The following ARHGAP22 variants were observed in gnomAD, a reference collection of about 807,000 sequenced individuals.
The protein encoded by ARHGAP22 is Rho GTPase activating protein 22.
A neutral mutation model predicts 59.1 loss-of-function variants in ARHGAP22; 48 were observed. The observed-to-expected ratio is 0.81, with a 90% CI of 0.64 to 1.03. The LOEUF (loss-of-function observed/expected upper bound fraction) is 1.03, where lower values mean the gene tolerates loss of function less well. Ranked by LOEUF, ARHGAP22 falls within the 50% of genes least tolerant of loss-of-function variation. ARHGAP22 has a pLI of 0.00. For synonymous variants in ARHGAP22, 445 were observed against 416.4 expected, an observed-to-expected ratio of 1.07 and a Z score of -0.84; for missense variants, 1,015 against 958.7, an observed-to-expected ratio of 1.06 and a Z score of -0.78.
intron 2 of ARHGAP22, among the ~76,000 whole-genome samples, chr10:48,573,078 T>C (rs1289872408): frequency 6.6e-6 from 1 of 152,202 alleles, no homozygotes; most frequent in Non-Finnish European, 1.5e-5. Flanking sequence ...ATATAAAAGT[T>C]AGCTTTTATT....
intron 1 of ARHGAP22, among the ~76,000 whole-genome samples, chr10:48,643,713 T>C (rs1387617045): frequency 6.8e-6 from 1 of 147,994 alleles, no homozygotes; most frequent in Non-Finnish European, 1.5e-5. Flanking sequence ...GTAACAAACC[T>C]GCATGTTATG....
In ARHGAP22 at chr10:48,446,317, A is replaced by T. The variant is rs2045345006; in HGVS notation, c.*74T>A. 6.6e-7 allele frequency: 1 copy of T among 1,525,438 alleles called. No individual in the cohort carries two copies. Among genetic ancestry groups the T allele is most frequent in the Non-Finnish European group, 9.0e-7 (1 of 1,114,126 alleles). The allele number at this position is 1,525,438 out of a possible 1,614,324, so 94.5% of individuals were successfully genotyped here. ...TCCAGAGCGCCTGGCTGCTCCAGAGATACAGACGCTTCTAACTCCATACAA... is the reference window on the plus strand; with the variant it reads ...TCCAGAGCGCCTGGCTGCTCCAGAGTTACAGACGCTTCTAACTCCATACAA... On this transcript the variant is annotated 3_prime_UTR_variant, in exon 10 of 10. Coordinates refer to ENST00000249601, the MANE Select transcript of ARHGAP22 (RefSeq NM_021226.4).
chr10:48,571,721 T>C (rs1413638842), intron 2 of ARHGAP22, among the ~76,000 whole-genome samples: 2 of 152,236 alleles, frequency 1.3e-5, no homozygotes, highest in Non-Finnish European at 2.9e-5. Context: ...AGTGGATGTT[T>C]CTTCTGCTCT....
chr10:48,509,690 A>G (rs1388762955), intron 3 of ARHGAP22, among the ~76,000 whole-genome samples: 1 of 152,050 alleles, frequency 6.6e-6, no homozygotes, highest in South Asian at 2.1e-4. Flanking sequence ...CCCCACTATC[A>G]GTGCCTTCCC....
chr10:48,465,844 C>T (rs2047606952), intron 4 of ARHGAP22, among the ~76,000 whole-genome samples: 2 of 152,208 alleles, frequency 1.3e-5, no homozygotes, highest in Admixed American at 1.3e-4. Context: ...TTTCTGCTCT[C>T]GGGTCCCCTG....
At chr10:48,453,204 G>C (rs12768229) in intron 8 of ARHGAP22, 100 bp downstream of exon 8, 49,986 of 1,548,898 alleles carry the variant, frequency 0.032, 917 homozygotes, top group Non-Finnish European at 0.037. Context: ...CCTCCTGCTG[G>C]CCTGGCCCTG....
intron 1 of ARHGAP22, among the ~76,000 whole-genome samples, chr10:48,613,053 C>CT (rs1009882533): frequency 2.0e-5 from 3 of 151,998 alleles, no homozygotes; most frequent in African/African-American, 7.3e-5. Context: ...TTCTCCCAAC[C>CT]TTTTTTTTGT....
the ARHGAP22 span, among the ~76,000 whole-genome samples, chr10:48,434,230 TAAG>T: frequency 5.3e-5 from 8 of 152,338 alleles, no homozygotes; most frequent in African/African-American, 1.9e-4. Context: ...AGAGTAGAAA[TAAG>T]AAGACCCAAG....
chr10:48,441,905 A>G (rs1353006429), downstream of ARHGAP22, among the ~76,000 whole-genome samples: 2 of 152,110 alleles, frequency 1.3e-5, no homozygotes, highest in African/African-American at 4.8e-5. Context: ...ACTTGACAGC[A>G]TCCTGTGTTC....
intron 1 of ARHGAP22, among the ~76,000 whole-genome samples, chr10:48,588,029 GCA>G (rs1237596792): frequency 6.6e-6 from 1 of 152,250 alleles, no homozygotes; most frequent in African/African-American, 2.4e-5. Context: ...GCAGGATCTT[GCA>G]CAATCAATAC....
At chr10:48,545,540 G>A (rs1564852366) in intron 3 of ARHGAP22, among the ~76,000 whole-genome samples, 1 of 152,204 alleles carries the variant, frequency 6.6e-6, no homozygotes, top group Non-Finnish European at 1.5e-5. Context: ...CACGAGGTCA[G>A]GCCAAGACTC....
upstream of ARHGAP22, among the ~76,000 whole-genome samples, chr10:48,655,081 T>C (rs1197099996): frequency 2.6e-4 from 12 of 46,776 alleles, no homozygotes; most frequent in African/African-American, 5.1e-4. Flanking sequence ...TCTCTTCTCT[T>C]CTCTTCTCTT....
At position 48,459,359 on chromosome 10, in the gene ARHGAP22, G is replaced by A. The variant is rs546118991; in HGVS notation, c.659+325C>T. Among the ~76,000 whole-genome samples the A allele has an allele frequency of 1.2e-4, 3 of 24,178 alleles. No individual in the cohort carries two copies. In the East Asian group the frequency reaches 0.17, roughly 1,343 times the overall value. 15.9% of individuals were successfully genotyped at this position (24,178 alleles called of 152,430 possible). ...GAGACAGACCCCGCAGAAGGCCTGG[G>A]GTCCGGATGCAGCTGCGCCTGGTCA... is the stretch of plus-strand genomic sequence containing the variant. On this transcript the variant is annotated intron_variant, in intron 5 of 9. Coordinates refer to ENST00000249601, the MANE Select transcript of ARHGAP22 (RefSeq NM_021226.4).
intron 1 of ARHGAP22, among the ~76,000 whole-genome samples, chr10:48,640,008 A>G (rs1367269474): frequency 6.6e-6 from 1 of 152,240 alleles, no homozygotes; most frequent in East Asian, 1.9e-4. Context: ...TAAATAGAGA[A>G]TTTCAATGAG....
intron 3 of ARHGAP22, among the ~76,000 whole-genome samples, chr10:48,506,493 C>T (rs376950175): frequency 2.0e-5 from 3 of 152,172 alleles, no homozygotes; most frequent in Admixed American, 2.0e-4. Flanking sequence ...TTGACTTAAA[C>T]GTCATGATGT....
chr10:48,516,567 G>A (rs1408277526), intron 3 of ARHGAP22, among the ~76,000 whole-genome samples: 1 of 151,986 alleles, frequency 6.6e-6, no homozygotes, highest in Non-Finnish European at 1.5e-5. Context: ...ACCTATAACT[G>A]TTTGCCAACA....
chr10:48,481,981 G>C (rs2049369802), intron 3 of ARHGAP22, among the ~76,000 whole-genome samples: 1 of 152,116 alleles, frequency 6.6e-6, no homozygotes, highest in Non-Finnish European at 1.5e-5. Context: ...TTGGTGTTGA[G>C]AGTTCTTGAC....
chr10:48,476,124 GA>G (rs1362631416), intron 4 of ARHGAP22, among the ~76,000 whole-genome samples: 1 of 152,186 alleles, frequency 6.6e-6, no homozygotes, highest in Non-Finnish European at 1.5e-5. Flanking sequence ...ACTAGCACGT[GA>G]GAACCATGAG....
Position 48,604,846 on chromosome 10 carries a change from C to T in ARHGAP22, c.-50G>A. On this transcript the variant is annotated 5_prime_UTR_variant, in exon 1 of 10. Coordinates refer to ENST00000249601, the MANE Select transcript of ARHGAP22 (RefSeq NM_021226.4). ...CCGCAGGGCCGTTCATGCTGTCATC[C>T]ACTTGCTTTTGCTCGTCCTCGCGCC... 2 of 1,613,930 alleles carry T rather than the reference C, an allele frequency of 1.2e-6. No individual in the cohort carries two copies. The highest frequency in any genetic ancestry group is 1.7e-6 in the Non-Finnish European group (2 of 1,180,008).
Sources: allele counts gnomAD v4.1 joint callset (sites outside exome capture counted in the v4.1 genomes callset), GRCh38; gene constraint gnomAD v4.1.1; transcripts MANE v1.5; gene names NCBI Gene and HGNC (gene_info 2026-07-23, HGNC 2026-07-21).